The following TSNARE1 variants were observed in gnomAD, a reference collection of about 807,000 sequenced individuals.
The protein encoded by TSNARE1 is t-SNARE domain containing 1, also known as t-SNARE domain-containing protein 1.
A neutral mutation model predicts 62.0 loss-of-function variants in TSNARE1; 49 were observed. That is an observed-to-expected ratio of 0.79 (90% confidence interval 0.63 to 1.00). The LOEUF is 1.00. TSNARE1 is among the 50% of genes least tolerant of loss of function. The probability of loss-of-function intolerance (pLI) is 0.00; values close to 1 mark genes in which losing one functional copy is unlikely to be tolerated. For missense variants in TSNARE1, 755 were observed against 700.1 expected (o/e 1.08, Z -0.88); for synonymous variants, 328 against 294.4 (o/e 1.11, Z -1.17).
chr8:142,385,083 A>AAG (rs575542217), intron 1 of TSNARE1, among the ~76,000 whole-genome samples: 40 of 151,952 alleles, frequency 2.6e-4, no homozygotes, highest in Non-Finnish European at 4.7e-4. Context: ...AGGTGAGAGA[A>AAG]AGAGAGAGAG....
rs954263029 is a variant in TSNARE1 at position 142,218,059 on chromosome 8, A to T, written c.*12-5746T>A. Among the ~76,000 whole-genome samples the T allele has an allele frequency of 4.8e-4, 33 of 68,346 alleles. 5 individuals are homozygous for T. Among genetic ancestry groups the T allele is most frequent in the Admixed American group, 6.6e-4 (5 of 7,538 alleles). 44.8% of individuals were successfully genotyped at this position (68,346 alleles called of 152,430 possible). A position where few individuals can be genotyped will look rare whatever the true frequency, so the allele number is the denominator to read the frequency against. On this transcript the variant is annotated intron_variant, in intron 13 of 13. Transcript: ENST00000524325. ...GTATGTGACCAGGATCAGGGCTCAGAGTGTGAGCAGGATCAGGGTTCAGAG... is the reference window on the plus strand; with the variant it reads ...GTATGTGACCAGGATCAGGGCTCAGTGTGTGAGCAGGATCAGGGTTCAGAG...
chr8:142,273,614 A>T, intron 12 of TSNARE1: 1 of 985,282 alleles, frequency 1.0e-6, no homozygotes, highest in Non-Finnish European at 1.2e-6. Context: ...ACCCTTGGTG[A>T]CCTGAACCTT....
chr8:142,282,774 G>A (rs1400846563), intron 11 of TSNARE1, among the ~76,000 whole-genome samples: 3 of 148,164 alleles, frequency 2.0e-5, no homozygotes, highest in Admixed American at 6.6e-5. Context: ...GTCTGCCAAT[G>A]AGCAGAGGCG....
chr8:142,382,525 C>T (rs892634303), intron 1 of TSNARE1, among the ~76,000 whole-genome samples: 1 of 152,008 alleles, frequency 6.6e-6, no homozygotes, highest in African/African-American at 2.4e-5. Context: ...GCAGGGAGCA[C>T]CCCTGCACGC....
chr8:142,392,513 A>G (rs967283496), intron 1 of TSNARE1, among the ~76,000 whole-genome samples: 4 of 152,212 alleles, frequency 2.6e-5, no homozygotes, highest in African/African-American at 9.7e-5. Context: ...CCTGCACTAC[A>G]TCATGACCAT....
chr8:142,327,641 G>A (rs1830451221), intron 6 of TSNARE1, among the ~76,000 whole-genome samples: 1 of 152,200 alleles, frequency 6.6e-6, no homozygotes, highest in Non-Finnish European at 1.5e-5. Context: ...CAATCAAGTG[G>A]GATGGGATGA....
chr8:142,227,155 C>T (rs1181631276), intron 13 of TSNARE1, among the ~76,000 whole-genome samples: 2 of 149,854 alleles, frequency 1.3e-5, no homozygotes, highest in Non-Finnish European at 2.9e-5. Context: ...CCAGTGACAG[C>T]CAGGACCTCC....
intron 9 of TSNARE1, among the ~76,000 whole-genome samples, chr8:142,311,432 G>A (rs1342137215): frequency 1.3e-5 from 2 of 151,360 alleles, no homozygotes; most frequent in Admixed American, 6.6e-5. Context: ...CGAGTAGGTG[G>A]AATTACAGGC....
intron 12 of TSNARE1, among the ~76,000 whole-genome samples, chr8:142,260,596 G>C (rs1350698067): frequency 6.6e-6 from 1 of 152,104 alleles, no homozygotes; most frequent in Non-Finnish European, 1.5e-5. Flanking sequence ...TCAGAACCTT[G>C]AGCCCCGTTC....
intron 12 of TSNARE1, among the ~76,000 whole-genome samples, chr8:142,240,292 G>A (rs1817618836): frequency 6.6e-6 from 1 of 152,200 alleles, no homozygotes; most frequent in South Asian, 2.1e-4. Flanking sequence ...ACTTCACCAA[G>A]ATGATACATT....
In TSNARE1 at chr8:142,345,748, T is replaced by C; in HGVS notation, c.233A>G (p.Lys78Arg). ...CCAGCGTCTGAGTGAAGTACCTCGC[T>C]TCCTGGCCCTTGGGACAATAGGCGT... ...AGTPIVPRARKRGPGVAPEGS... is the reference protein window; with the variant it reads ...AGTPIVPRARRRGPGVAPEGS... The change falls in exon 3 of 14, where the codon AAG becomes AGG. Residue 78 changes from lysine (K) to arginine (R), a missense_variant. Transcript: ENST00000524325. 6.2e-7 allele frequency: 1 copy of C among 1,606,112 alleles called. No individual in the cohort carries two copies. Among genetic ancestry groups the C allele is most frequent in the Non-Finnish European group, 8.5e-7 (1 of 1,175,534 alleles).
intron 1 of TSNARE1, among the ~76,000 whole-genome samples, chr8:142,395,845 CTGTGT>C (rs992156124): frequency 6.6e-5 from 10 of 152,204 alleles, no homozygotes; most frequent in Non-Finnish European, 1.2e-4. Context: ...AAGGAGGCTG[CTGTGT>C]TGTGTTGCTT....
chr8:142,238,757 A>ATCCCTGCACGCCCG (rs143746535), intron 12 of TSNARE1, among the ~76,000 whole-genome samples: 5 of 82,862 alleles, frequency 6.0e-5, no homozygotes, highest in Non-Finnish European at 9.8e-5. Flanking sequence ...CTGCACGCCC[A>ATCCCTGCACGCCCG]CCCCTGCACG....
chr8:142,363,724 T>G (rs1835326573), intron 1 of TSNARE1, among the ~76,000 whole-genome samples: 1 of 152,072 alleles, frequency 6.6e-6, no homozygotes, highest in East Asian at 1.9e-4. Flanking sequence ...TACTGCCCAC[T>G]GCCCACAGAA....
chr8:142,365,832 G>A (rs1437433948), intron 1 of TSNARE1: 3 of 369,688 alleles, frequency 8.1e-6, no homozygotes, highest in East Asian at 9.0e-5. Context: ...GGAATAAATT[G>A]TAAAAGGTGC....
chr8:142,245,658 T>G (rs1817853985), intron 12 of TSNARE1, among the ~76,000 whole-genome samples: 2 of 152,138 alleles, frequency 1.3e-5, no homozygotes, highest in Non-Finnish European at 2.9e-5. Context: ...TACCAACATT[T>G]CCTGCATAAA....
At chr8:142,397,210 C>G (rs895308820) in intron 1 of TSNARE1, among the ~76,000 whole-genome samples, 8 of 147,670 alleles carry the variant, frequency 5.4e-5, no homozygotes, top group African/African-American at 1.3e-4. Flanking sequence ...ACTCCCTGAC[C>G]TTCCACAGCC....
At chr8:142,275,488 C>T (rs935533356) in intron 11 of TSNARE1, 4 of 985,412 alleles carry the variant, frequency 4.1e-6, no homozygotes, top group South Asian at 9.4e-5. Flanking sequence ...AGACACCAGA[C>T]CAGGGCCGGG....
chr8:142,361,240 ACT>A (rs1835131561), intron 1 of TSNARE1, among the ~76,000 whole-genome samples: 2 of 152,070 alleles, frequency 1.3e-5, no homozygotes, highest in Admixed American at 6.5e-5. Flanking sequence ...GCTCTCGGAG[ACT>A]CTGTGCTCCA....
Sources: allele counts gnomAD v4.1 joint callset (sites outside exome capture counted in the v4.1 genomes callset), GRCh38; gene constraint gnomAD v4.1.1; transcripts MANE v1.5; gene names NCBI Gene and HGNC (gene_info 2026-07-23, HGNC 2026-07-21).